MPPED2: variants seen among roughly 807,000 people sequenced by gnomAD.
MPPED2 encodes the protein metallophosphoesterase domain containing 2.
MPPED2 carries 5 observed loss-of-function variants against 33.0 expected under a neutral mutation model. That is an observed-to-expected ratio of 0.15 (90% CI 0.08 to 0.32). The LOEUF is 0.32. MPPED2 is among the 10% of genes least tolerant of loss of function. The probability of loss-of-function intolerance (pLI) is 1.00; values close to 1 mark genes in which losing one functional copy is unlikely to be tolerated. For missense variants in MPPED2, 275 were observed against 372.1 expected (o/e 0.74, Z 2.15); for synonymous variants, 136 against 141.9 (o/e 0.96, Z 0.29).
intron 6 of MPPED2, among the ~76,000 whole-genome samples, chr11:30,405,083 A>C (rs1382045214): frequency 6.6e-6 from 1 of 152,206 alleles, no homozygotes; most frequent in Non-Finnish European, 1.5e-5. Flanking sequence ...TGGGGGATCC[A>C]GAAAAGGCTT....
rs749259850 is a variant in MPPED2, at chr11:30,414,336, G to A, written c.658C>T (p.Arg220Ter). 1.2e-6 allele frequency: 2 copies of A among 1,609,556 alleles called. No individual in the cohort carries two copies. The highest frequency in any genetic ancestry group is 1.7e-6 in the Non-Finnish European group (2 of 1,175,922). Residue 220 changes from arginine (R) to a stop codon, truncating the protein, a stop_gained, in exon 6 of 7, where the codon CGA becomes TGA. Transcript: ENST00000358117. LOFTEE classifies it high-confidence loss of function. ...LMTHGPPLGFRDWVPKELQRV... is the reference protein window; with the variant it reads ...LMTHGPPLGF ...TGAAGCTCCTTTGGAACCCAGTCTC[G>A]AAAACCTAAGGGCAAAATGCAATCA... is the stretch of plus-strand genomic sequence containing the variant.
intron 3 of MPPED2, among the ~76,000 whole-genome samples, chr11:30,505,178 C>A (rs1249531861): frequency 6.6e-6 from 1 of 152,148 alleles, no homozygotes; most frequent in Non-Finnish European, 1.5e-5. Flanking sequence ...AATTTTTAGA[C>A]CACGAAAACT....
intron 3 of MPPED2, among the ~76,000 whole-genome samples, chr11:30,499,185 G>C (rs1021207713): frequency 1.3e-5 from 2 of 152,162 alleles, no homozygotes; most frequent in Non-Finnish European, 2.9e-5. Flanking sequence ...CATGTGTACA[G>C]AAGGAGGGAG....
intron 4 of MPPED2, among the ~76,000 whole-genome samples, chr11:30,483,914 T>C (rs1951607385): frequency 6.6e-6 from 1 of 152,124 alleles, no homozygotes. Context: ...TAATCACAGT[T>C]TATTAAACCA....
intron 3 of MPPED2, among the ~76,000 whole-genome samples, chr11:30,511,039 A>T (rs577299644): frequency 6.6e-6 from 1 of 152,278 alleles, no homozygotes; most frequent in African/African-American, 2.4e-5. Context: ...GTTTTGGCTC[A>T]TTTCAAGGGT....
chr11:30,546,109 C>T (rs775366518), intron 2 of MPPED2, among the ~76,000 whole-genome samples: 15 of 152,128 alleles, frequency 9.9e-5, no homozygotes, highest in South Asian at 2.1e-4. Context: ...CATGAGTCAC[C>T]GTGCCCGGCC....
intron 4 of MPPED2, among the ~76,000 whole-genome samples, chr11:30,456,970 T>C (rs985462610): frequency 2.6e-5 from 4 of 152,186 alleles, no homozygotes; most frequent in Non-Finnish European, 5.9e-5. Flanking sequence ...AAGTGATCCG[T>C]ATTCCTGTTA....
intron 4 of MPPED2, among the ~76,000 whole-genome samples, chr11:30,487,765 T>A (rs3781846): frequency 6.6e-6 from 1 of 151,958 alleles, no homozygotes; most frequent in African/African-American, 2.4e-5. Flanking sequence ...CACAAGTCAC[T>A]GCACCTGGCC....
chr11:30,576,267 C>T (rs150506653), intron 2 of MPPED2, among the ~76,000 whole-genome samples: 4 of 152,242 alleles, frequency 2.6e-5, no homozygotes, highest in African/African-American at 7.2e-5. Flanking sequence ...ATGTTAAACC[C>T]GGTAATCTGA....
At chr11:30,572,198 A>G (rs2134827232) in intron 2 of MPPED2, among the ~76,000 whole-genome samples, 1 of 152,320 alleles carries the variant, frequency 6.6e-6, no homozygotes, top group African/African-American at 2.4e-5. Context: ...CAAGTAGCCA[A>G]CAAACAAATA....
At chr11:30,530,012 T>G (rs1954428399) in intron 3 of MPPED2, among the ~76,000 whole-genome samples, 1 of 152,206 alleles carries the variant, frequency 6.6e-6, no homozygotes, top group African/African-American at 2.4e-5. Flanking sequence ...AATTAAAAGT[T>G]CATGGCAATG....
At chr11:30,578,091 G>T (rs541667977) in intron 2 of MPPED2, among the ~76,000 whole-genome samples, 4 of 152,178 alleles carry the variant, frequency 2.6e-5, no homozygotes, top group Admixed American at 2.6e-4. Context: ...CAAGTAACTT[G>T]GGCAGGCATG....
At chr11:30,434,459 A>AG (rs1332491010) in intron 4 of MPPED2, among the ~76,000 whole-genome samples, 1 of 152,212 alleles carries the variant, frequency 6.6e-6, no homozygotes. Flanking sequence ...GTTTACCCCC[A>AG]GGAAGTAACA....
intron 3 of MPPED2, among the ~76,000 whole-genome samples, chr11:30,522,463 A>C (rs1170898748): frequency 6.6e-6 from 1 of 152,130 alleles, no homozygotes; most frequent in Non-Finnish European, 1.5e-5. Context: ...CAAAACATTA[A>C]CAGTTGGGGA....
chr11:30,471,397 C>A (rs148183726), intron 4 of MPPED2, among the ~76,000 whole-genome samples: 81 of 152,308 alleles, frequency 5.3e-4, no homozygotes, highest in African/African-American at 1.4e-3. Context: ...CTCTCTCACC[C>A]GGCACATGAG....
chr11:30,461,128 G>A (rs1352843377), intron 4 of MPPED2, among the ~76,000 whole-genome samples: 1 of 152,210 alleles, frequency 6.6e-6, no homozygotes, highest in Non-Finnish European at 1.5e-5. Context: ...GGTAAAGATT[G>A]AATGATTTCC....
exon 7 of MPPED2, chr11:30,384,872 C>T (rs966328551): frequency 1.1e-4 from 16 of 152,190 alleles, no homozygotes; most frequent in African/African-American, 3.9e-4. Context: ...AGAAGCAGAG[C>T]CAGAACTAAA....
intron 6 of MPPED2, among the ~76,000 whole-genome samples, chr11:30,395,533 T>G (rs1947829384): frequency 6.6e-6 from 1 of 152,136 alleles, no homozygotes; most frequent in South Asian, 2.1e-4. Flanking sequence ...ATGGATTCAA[T>G]TTTTCAAAAA....
At chr11:30,397,332 C>G (rs1219088697) in intron 6 of MPPED2, among the ~76,000 whole-genome samples, 1 of 152,062 alleles carries the variant, frequency 6.6e-6, no homozygotes, top group East Asian at 1.9e-4. Context: ...AGCAACTCCT[C>G]TAGTAAATTT....
Sources: gnomAD v4.1 joint callset for allele counts (sites outside exome capture counted in the v4.1 genomes callset) on GRCh38, gnomAD v4.1.1 for gene constraint, MANE v1.5 for transcripts, NCBI Gene and HGNC (gene_info 2026-07-23, HGNC 2026-07-21) for gene names.